LCORL: variants seen among roughly 807,000 people sequenced by gnomAD.
LCORL encodes the protein ligand dependent nuclear receptor corepressor like.
Under a neutral mutation model 141.8 loss-of-function variants are expected in LCORL, and 41 were observed. The observed-to-expected ratio is 0.29, with a 90% CI of 0.23 to 0.38. LCORL has a LOEUF of 0.38. Among genes scored for constraint, LCORL ranks in the 10% least tolerant of loss-of-function variants. LCORL has a pLI of 1.00. For synonymous variants in LCORL, 618 were observed against 694.1 expected (o/e 0.89, Z 1.72); for missense variants, 1,759 against 2,035.0 (o/e 0.86, Z 2.61).
At chr4:17,974,494 A>G (rs926101842) in intron 1 of LCORL, among the ~76,000 whole-genome samples, 4 of 152,188 alleles carry the variant, frequency 2.6e-5, no homozygotes, top group African/African-American at 9.6e-5. Flanking sequence ...CATTTTGCCA[A>G]GAACACAACC....
At chr4:17,862,630 T>C (rs1008578560) in intron 7 of LCORL, among the ~76,000 whole-genome samples, 5 of 152,034 alleles carry the variant, frequency 3.3e-5, no homozygotes, top group Non-Finnish European at 2.9e-5. Flanking sequence ...GAAAAAGAAG[T>C]CCCTATTCAG....
chr4:17,870,138 C>T (rs181761210), intron 7 of LCORL, among the ~76,000 whole-genome samples: 12 of 152,108 alleles, frequency 7.9e-5, no homozygotes, highest in Admixed American at 5.9e-4. Context: ...CTCAATATTC[C>T]ACATATGCTT....
At chr4:17,898,620 T>A (rs1281023052) in intron 5 of LCORL, among the ~76,000 whole-genome samples, 1 of 150,690 alleles carries the variant, frequency 6.6e-6, no homozygotes, top group African/African-American at 2.4e-5. Context: ...CAAGAAAACC[T>A]GGAAATTCAC....
At chr4:17,918,190 T>C (rs1733759827) in intron 4 of LCORL, among the ~76,000 whole-genome samples, 1 of 152,158 alleles carries the variant, frequency 6.6e-6, no homozygotes. Flanking sequence ...GAAAAGTCGC[T>C]AAACAAAGAA....
intron 7 of LCORL, among the ~76,000 whole-genome samples, chr4:17,846,898 TA>T (rs1171527152): frequency 6.6e-6 from 1 of 152,206 alleles, no homozygotes; most frequent in African/African-American, 2.4e-5. Flanking sequence ...TCATGTCTAA[TA>T]GTCTGATAAC....
chr4:17,899,042 G>C (rs1456103638), intron 5 of LCORL, among the ~76,000 whole-genome samples: 1 of 152,124 alleles, frequency 6.6e-6, no homozygotes, highest in Non-Finnish European at 1.5e-5. Flanking sequence ...GTATGGTTTA[G>C]AGTATTTTCC....
At chr4:17,945,102 TAAG>T (rs1738644266) in intron 4 of LCORL, among the ~76,000 whole-genome samples, 3 of 152,068 alleles carry the variant, frequency 2.0e-5, no homozygotes. Context: ...CTTAGCAAAT[TAAG>T]AAACACAGAG....
At chr4:17,948,064 C>G (rs1257270744) in intron 4 of LCORL, among the ~76,000 whole-genome samples, 1 of 151,928 alleles carries the variant, frequency 6.6e-6, no homozygotes, top group Non-Finnish European at 1.5e-5. Flanking sequence ...TGATACTAAG[C>G]AGCAGCAGAT....
At chr4:18,020,032 G>C (rs1363826948) in intron 1 of LCORL, among the ~76,000 whole-genome samples, 1 of 151,984 alleles carries the variant, frequency 6.6e-6, no homozygotes, top group African/African-American at 2.4e-5. Context: ...TCTTTCCTTA[G>C]AGAAGACCAA....
intron 5 of LCORL, among the ~76,000 whole-genome samples, chr4:17,907,829 T>C (rs902973935): frequency 1.1e-4 from 16 of 152,216 alleles, no homozygotes; most frequent in African/African-American, 3.6e-4. Flanking sequence ...TGGACACCCA[T>C]GCGATATCAT....
chr4:17,942,956 G>A (rs1738212100), intron 4 of LCORL, among the ~76,000 whole-genome samples: 1 of 152,082 alleles, frequency 6.6e-6, no homozygotes, highest in South Asian at 2.1e-4. Flanking sequence ...TGCATGAGAG[G>A]AATCTAGGTT....
At chr4:17,849,487 A>G (rs1723365217) in intron 7 of LCORL, among the ~76,000 whole-genome samples, 2 of 152,208 alleles carry the variant, frequency 1.3e-5, no homozygotes, top group Admixed American at 1.3e-4. Flanking sequence ...AAGGAAAACT[A>G]ACAAACAGAA....
At chr4:17,948,553 A>T (rs1197717942) in intron 4 of LCORL, among the ~76,000 whole-genome samples, 1 of 152,056 alleles carries the variant, frequency 6.6e-6, no homozygotes, top group Non-Finnish European at 1.5e-5. Context: ...GGAAGTTGAT[A>T]ACCTAGAAGC....
chr4:17,908,311 C>T (rs755381586), intron 5 of LCORL, among the ~76,000 whole-genome samples: 32 of 152,270 alleles, frequency 2.1e-4, no homozygotes, highest in African/African-American at 5.1e-4. Context: ...GGATTACAGG[C>T]GTGAGCCAGC....
intron 2 of LCORL, among the ~76,000 whole-genome samples, chr4:17,965,518 T>C (rs548965783): frequency 6.6e-6 from 1 of 152,282 alleles, no homozygotes; most frequent in East Asian, 1.9e-4. Context: ...CTTATAGAAA[T>C]AGCTTCATTA....
chr4:17,957,211 A>C (rs1199489844), intron 4 of LCORL, among the ~76,000 whole-genome samples: 1 of 152,024 alleles, frequency 6.6e-6, no homozygotes, highest in Non-Finnish European at 1.5e-5. Flanking sequence ...ACAAAAATGT[A>C]GATGGAATAC....
At chr4:17,917,574 A>G (rs1733652748) in intron 4 of LCORL, among the ~76,000 whole-genome samples, 1 of 152,238 alleles carries the variant, frequency 6.6e-6, no homozygotes, top group Admixed American at 6.5e-5. Flanking sequence ...TGTTTTGAAA[A>G]TTCTCAGTCT....
At chr4:17,898,114 T>C (rs1488402106) in intron 5 of LCORL, among the ~76,000 whole-genome samples, 1 of 152,158 alleles carries the variant, frequency 6.6e-6, no homozygotes, top group Non-Finnish European at 1.5e-5. Flanking sequence ...ACATATTTGG[T>C]TTGTTCTACA....
chr4:17,854,700 C>A (rs1018652561), intron 7 of LCORL, among the ~76,000 whole-genome samples: 2 of 151,672 alleles, frequency 1.3e-5, no homozygotes, highest in African/African-American at 2.4e-5. Context: ...AAAACAAAAA[C>A]AAAAAACTTA....
Sources: allele counts gnomAD v4.1 joint callset (sites outside exome capture counted in the v4.1 genomes callset), GRCh38; gene constraint gnomAD v4.1.1; transcripts MANE v1.5; gene names NCBI Gene and HGNC (gene_info 2026-07-23, HGNC 2026-07-21).